Variants in SOX5 observed in about 807,000 individuals in gnomAD.
SOX5 encodes SRY-box transcription factor 5.
A neutral mutation model predicts 92.0 loss-of-function variants in SOX5; 9 were observed. The ratio of observed to expected loss-of-function variants is 0.10; its 90% CI spans 0.06 to 0.17. The LOEUF is 0.17. Ranked by LOEUF, SOX5 falls within the 10% of genes least tolerant of loss-of-function variation. SOX5 has a pLI of 1.00. For synonymous variants in SOX5, 344 were observed against 336.3 expected (o/e 1.02, Z -0.25); for missense variants, 642 against 944.5 (o/e 0.68, Z 4.20).
At chr12:23,857,104 C>A (rs112137861) in intron 2 of SOX5, among the ~76,000 whole-genome samples, 5,005 of 152,204 alleles carry the variant, frequency 0.033, 117 homozygotes, top group South Asian at 0.053. Flanking sequence ...GGAAATTTTA[C>A]AGTGCATATA....
At chr12:24,502,641 C>A (rs910135929) in intron 1 of SOX5, among the ~76,000 whole-genome samples, 3 of 152,104 alleles carry the variant, frequency 2.0e-5, no homozygotes, top group African/African-American at 7.2e-5. Context: ...CCAACGGGTG[C>A]TAAAATTGGT....
intron 4 of SOX5, among the ~76,000 whole-genome samples, chr12:24,016,526 C>T (rs1261935773): frequency 1.3e-5 from 2 of 152,082 alleles, no homozygotes; most frequent in Non-Finnish European, 2.9e-5. Context: ...CAACTAGATC[C>T]CCTCACAGAG....
At position 23,697,928 on chromosome 12, in the gene SOX5, CTT is replaced by C. The variant is rs2090110174; in HGVS notation, c.811-32366_811-32365del. On this transcript the variant is annotated intron_variant, in intron 6 of 14. Coordinates refer to ENST00000451604, the MANE Select transcript of SOX5 (RefSeq NM_006940.6). Reference sequence around the variant, plus strand: ...CTTGCTATTTGTTTTCTATTTATCTCTTTTGTTATTTGTTCTCTTTTAATCTC... The same window carrying C: ...CTTGCTATTTGTTTTCTATTTATCTCTTGTTATTTGTTCTCTTTTAATCTC... Among the ~76,000 whole-genome samples the C allele has an allele frequency of 2.0e-5, 3 of 152,148 alleles. No homozygotes were observed. In the South Asian group the frequency reaches 6.2e-4, roughly 31 times the overall value.
At chr12:23,655,172 G>A (rs1366475000) in intron 7 of SOX5, among the ~76,000 whole-genome samples, 1 of 152,032 alleles carries the variant, frequency 6.6e-6, no homozygotes, top group African/African-American at 2.4e-5. Context: ...GTAAATTGGA[G>A]AATGTGATTA....
At chr12:24,443,627 T>A (rs905030074) in intron 1 of SOX5, among the ~76,000 whole-genome samples, 3 of 152,242 alleles carry the variant, frequency 2.0e-5, no homozygotes, top group Admixed American at 2.0e-4. Context: ...GAATGAGTTG[T>A]CACAGTTTAG....
chr12:24,003,329 A>C (rs1344575333), intron 4 of SOX5, among the ~76,000 whole-genome samples: 1 of 151,748 alleles, frequency 6.6e-6, no homozygotes, highest in Non-Finnish European at 1.5e-5. Context: ...AGAAAAATAA[A>C]TAAAAGTCAT....
rs183777204 is a variant in SOX5, at chr12:23,545,921, T to A, written c.1597+395A>T. Among the ~76,000 whole-genome samples the A allele has an allele frequency of 2.0e-4, 30 of 151,532 alleles. 1 individual carries two copies. The highest frequency in any genetic ancestry group is 1.2e-3 in the Admixed American group (19 of 15,214). On this transcript the variant is annotated intron_variant, in intron 12 of 14. Transcript: ENST00000451604. The stretch of plus-strand genomic sequence containing the variant: ...TGGGCATGTTGGCATGCACCTATAA[T>A]CCCAGCTACTTGGGAGGCTAAAGTG...
intron 4 of SOX5, among the ~76,000 whole-genome samples, chr12:23,966,329 A>C (rs550927425): frequency 4.0e-5 from 6 of 151,674 alleles, no homozygotes; most frequent in African/African-American, 1.4e-4. Context: ...CAGAAACTGA[A>C]AGGCAGGAAA....
At chr12:24,419,836 A>T (rs187294478) in intron 1 of SOX5, among the ~76,000 whole-genome samples, 3 of 152,226 alleles carry the variant, frequency 2.0e-5, no homozygotes, top group Non-Finnish European at 4.4e-5. Context: ...TGCATATCCA[A>T]CTGAAATACC....
chr12:24,358,844 C>T (rs1955181384), intron 2 of SOX5, among the ~76,000 whole-genome samples: 2 of 152,148 alleles, frequency 1.3e-5, no homozygotes, highest in Non-Finnish European at 2.9e-5. Flanking sequence ...CAAACATTAT[C>T]TAAAATAATA....
At chr12:23,913,554 G>T (rs907516004) in intron 1 of SOX5, among the ~76,000 whole-genome samples, 1 of 151,850 alleles carries the variant, frequency 6.6e-6, no homozygotes, top group African/African-American at 2.4e-5. Context: ...TGGCCAACAT[G>T]GTGAAACCCC....
chr12:24,402,522 G>T (rs1247219135), intron 1 of SOX5, among the ~76,000 whole-genome samples: 1 of 152,068 alleles, frequency 6.6e-6, no homozygotes, highest in Admixed American at 6.6e-5. Context: ...TTAAGAACCT[G>T]TCATGTCTCT....
intron 1 of SOX5, among the ~76,000 whole-genome samples, chr12:24,481,743 G>A (rs900823939): frequency 6.6e-6 from 1 of 152,206 alleles, no homozygotes; most frequent in African/African-American, 2.4e-5. Context: ...GGGGAGAAAC[G>A]TAGATGGGGG....
intron 3 of SOX5, among the ~76,000 whole-genome samples, chr12:23,844,064 A>G (rs1451291119): frequency 6.6e-6 from 1 of 152,196 alleles, no homozygotes; most frequent in Non-Finnish European, 1.5e-5. Flanking sequence ...ACTGAACATC[A>G]TAACTTAGGC....
At chr12:24,195,426 G>T (rs538283558) in intron 4 of SOX5, among the ~76,000 whole-genome samples, 25 of 152,204 alleles carry the variant, frequency 1.6e-4, no homozygotes, top group African/African-American at 6.0e-4. Context: ...AGCTAATTTA[G>T]GCCCAAAGAA....
chr12:23,849,526 G>C (rs550357402), intron 2 of SOX5, among the ~76,000 whole-genome samples: 2 of 152,150 alleles, frequency 1.3e-5, no homozygotes, highest in East Asian at 3.9e-4. Flanking sequence ...CCAACCTATT[G>C]GGCTCCAGAG....
chr12:24,075,277 TAAAAAA>T (rs59967372), intron 4 of SOX5, among the ~76,000 whole-genome samples: 2 of 75,790 alleles, frequency 2.6e-5, no homozygotes, highest in Admixed American at 1.7e-4. Flanking sequence ...CTCAAATTAT[TAAAAAA>T]AAAAAAAAAA....
chr12:23,971,468 G>A (rs1948334504), intron 4 of SOX5, among the ~76,000 whole-genome samples: 1 of 151,034 alleles, frequency 6.6e-6, no homozygotes, highest in African/African-American at 2.4e-5. Flanking sequence ...TATCCAGGGG[G>A]ATTTTAACCA....
chr12:24,368,265 G>A (rs992154161), intron 2 of SOX5: 1 of 152,108 alleles, frequency 6.6e-6, no homozygotes, highest in Non-Finnish European at 1.5e-5. Flanking sequence ...ACTTTCATTT[G>A]CCTTCAAATA....
Sources: allele counts gnomAD v4.1 joint callset (sites outside exome capture counted in the v4.1 genomes callset), GRCh38; gene constraint gnomAD v4.1.1; transcripts MANE v1.5; gene names NCBI Gene and HGNC (gene_info 2026-07-23, HGNC 2026-07-21).